The following FOXP2 variants were observed in gnomAD, a reference collection of about 807,000 sequenced individuals.
FOXP2 encodes forkhead box protein P2.
FOXP2 carries 12 observed loss-of-function variants against 115.8 expected under a neutral mutation model. That is an observed-to-expected ratio of 0.10 (90% CI 0.07 to 0.17). The LOEUF (loss-of-function observed/expected upper bound fraction) is 0.17, where lower values mean the gene tolerates loss of function less well. FOXP2 is among the 10% of genes least tolerant of loss of function. The probability of loss-of-function intolerance (pLI) is 1.00; values close to 1 mark genes in which losing one functional copy is unlikely to be tolerated. For synonymous variants in FOXP2, 328 were observed against 297.7 expected (o/e 1.10, Z -1.05); for missense variants, 629 against 843.5 (o/e 0.75, Z 3.15).
At chr7:114,677,162 T>C (rs1807817587) in intron 16 of FOXP2, among the ~76,000 whole-genome samples, 1 of 122,964 alleles carries the variant, frequency 8.1e-6, no homozygotes. Context: ...CAAGAATCCG[T>C]CTCAAAAAAC....
intron 6 of FOXP2, among the ~76,000 whole-genome samples, chr7:114,636,721 T>C (rs1375209184): frequency 1.3e-5 from 2 of 152,082 alleles, no homozygotes; most frequent in African/African-American, 2.4e-5. Flanking sequence ...AAAATCATCT[T>C]AGCAGCATTT....
rs1323890534 is a variant in FOXP2, at chr7:114,678,158, A to C, written c.2004-11624A>C. Among the ~76,000 whole-genome samples, 32 of 152,198 alleles carry C rather than the reference A, an allele frequency of 2.1e-4. 1 individual carries two copies. Among genetic ancestry groups the C allele is most frequent in the Admixed American group, 2.1e-3 (32 of 15,282 alleles). On this transcript the variant is annotated intron_variant, in intron 16 of 16. Coordinates refer to ENST00000350908, the MANE Select transcript of FOXP2 (RefSeq NM_014491.4). ...GGTTGAACTTTATGAAATTATTCAT[A>C]TTTGACTTTTTTTTCCTAAAAAATA...
chr7:114,601,173 C>CT (rs1803006666), intron 3 of FOXP2, among the ~76,000 whole-genome samples: 1 of 152,192 alleles, frequency 6.6e-6, no homozygotes, highest in African/African-American at 2.4e-5. Flanking sequence ...GCCATGTTGG[C>CT]TAGGCTGGTC....
chr7:114,263,906 A>G (rs1795824967), intron 1 of FOXP2, among the ~76,000 whole-genome samples: 1 of 151,940 alleles, frequency 6.6e-6, no homozygotes, highest in Non-Finnish European at 1.5e-5. Context: ...AAGTCAGCTC[A>G]CAATTATATG....
chr7:114,087,054 A>AC (rs1799435221), upstream of FOXP2, among the ~76,000 whole-genome samples: 1 of 149,768 alleles, frequency 6.7e-6, no homozygotes, highest in African/African-American at 2.5e-5. Flanking sequence ...TCCTCCCCGC[A>AC]CCCCCACCCC....
At chr7:114,365,789 T>C (rs544749779) in intron 2 of FOXP2, among the ~76,000 whole-genome samples, 7 of 152,288 alleles carry the variant, frequency 4.6e-5, no homozygotes, top group Admixed American at 4.6e-4. Flanking sequence ...CTATAGAAAG[T>C]GCTTAGTACT....
intron 2 of FOXP2, among the ~76,000 whole-genome samples, chr7:114,312,895 A>G (rs1188201020): frequency 6.6e-6 from 1 of 152,202 alleles, no homozygotes; most frequent in African/African-American, 2.4e-5. Flanking sequence ...GCCTGGGGCA[A>G]GAGCAATCAA....
chr7:114,540,782 CAT>C (rs1055499598), intron 3 of FOXP2, among the ~76,000 whole-genome samples: 3 of 151,932 alleles, frequency 2.0e-5, no homozygotes, highest in African/African-American at 2.4e-5. Flanking sequence ...AAGATGTAGA[CAT>C]AGGAAATTCT....
intron 2 of FOXP2, among the ~76,000 whole-genome samples, chr7:114,385,707 G>T (rs1450471427): frequency 2.6e-5 from 4 of 152,216 alleles, no homozygotes; most frequent in African/African-American, 4.8e-5. Flanking sequence ...AGGAAGAATA[G>T]AACAGAATAG....
At chr7:114,681,473 A>C (rs909934480) in intron 16 of FOXP2, among the ~76,000 whole-genome samples, 4 of 152,178 alleles carry the variant, frequency 2.6e-5, no homozygotes, top group African/African-American at 9.6e-5. Context: ...TGCATAGCAA[A>C]TGTGATGCAG....
intron 2 of FOXP2, among the ~76,000 whole-genome samples, chr7:114,495,952 C>G (rs78902292): frequency 6.6e-6 from 1 of 151,434 alleles, no homozygotes; most frequent in African/African-American, 2.4e-5. Context: ...CATTTTTTTT[C>G]TTTAGCCAAA....
intron 6 of FOXP2, among the ~76,000 whole-genome samples, chr7:114,635,754 A>G (rs1805182746): frequency 1.3e-5 from 2 of 152,090 alleles, no homozygotes; most frequent in Admixed American, 1.3e-4. Context: ...TTAAAGTTTT[A>G]TTTGGCAATT....
In FOXP2 at chr7:114,478,049, A is replaced by C. The variant is rs144906910; in HGVS notation, c.168+51370A>C. Among the ~76,000 whole-genome samples the C allele has an allele frequency of 7.2e-3, 1,091 of 151,980 alleles. 15 individuals are homozygous for C. The highest frequency in any genetic ancestry group is 0.025 in the African/African-American group (1,025 of 41,502). ...TCAGGGTATTTATAGCTAGACACTT[A>C]TGAGGTACTATAGTTGGCTGACCTC... On this transcript the variant is annotated intron_variant, in intron 2 of 16. Coordinates refer to ENST00000350908, the MANE Select transcript of FOXP2 (RefSeq NM_014491.4).
At chr7:114,145,782 T>C (rs995466211) in intron 1 of FOXP2, among the ~76,000 whole-genome samples, 1 of 152,168 alleles carries the variant, frequency 6.6e-6, no homozygotes, top group Admixed American at 6.6e-5. Flanking sequence ...AATAAAGTTG[T>C]TAAAGTGATG....
rs1798063593 is a variant in FOXP2 at position 114,511,349 on chromosome 7, T to A, written c.169-23268T>A. On this transcript the variant is annotated intron_variant, in intron 2 of 16. Coordinates refer to ENST00000350908, the MANE Select transcript of FOXP2 (RefSeq NM_014491.4). The stretch of plus-strand genomic sequence containing the variant: ...TGTACATGTATCCCAGAACTTAAAG[T>A]ATAATAATTAAAAAACAAAAAGTAT... 2.0e-5 allele frequency among the ~76,000 whole-genome samples: 3 copies of A among 152,080 alleles called. No homozygotes were observed. In the South Asian group the frequency reaches 6.2e-4, roughly 32 times the overall value.
intron 1 of FOXP2, among the ~76,000 whole-genome samples, chr7:114,235,181 CCTTT>C (rs141321763): frequency 1.2e-3 from 181 of 151,766 alleles, no homozygotes; most frequent in African/African-American, 4.2e-3. Context: ...ATAAATGCTC[CCTTT>C]CTTTTTATAA....
intron 16 of FOXP2, chr7:114,669,741 A>G (rs1210505337): frequency 2.0e-5 from 3 of 152,052 alleles, no homozygotes; most frequent in African/African-American, 7.2e-5. Context: ...ATGAACGCAT[A>G]CTGATACAAT....
At position 114,305,339 on chromosome 7, in the gene FOXP2, T is replaced by C. The variant is rs573125107; in HGVS notation, c.-11+17230T>C. ...TTTCATCAGCTTCATAATTATTTTA[T>C]TTACTTCTATGAATAAGTCTCCTTA... On this transcript the variant is annotated intron_variant, in intron 2 of 17. Coordinates refer to the FOXP2 transcript ENST00000634411. Among the ~76,000 whole-genome samples the C allele has an allele frequency of 4.6e-5, 7 of 152,296 alleles. No individual in the cohort carries two copies. In the South Asian group the frequency reaches 1.2e-3, roughly 27 times the overall value.
chr7:114,431,451 A>C (rs1308128841), intron 2 of FOXP2, among the ~76,000 whole-genome samples: 2 of 151,988 alleles, frequency 1.3e-5, no homozygotes, highest in East Asian at 1.9e-4. Flanking sequence ...GCACAGAAGA[A>C]AGTCTAAGTA....
Sources: gnomAD v4.1 joint callset for allele counts (sites outside exome capture counted in the v4.1 genomes callset) on GRCh38, gnomAD v4.1.1 for gene constraint, MANE v1.5 for transcripts, NCBI Gene and HGNC (gene_info 2026-07-23, HGNC 2026-07-21) for gene names.